VPS8: variants seen among roughly 807,000 people sequenced by gnomAD.
VPS8 encodes the protein VPS8 subunit of CORVET complex, also known as vacuolar protein sorting-associated protein 8 homolog.
VPS8 carries 129 observed loss-of-function variants against 216.4 expected under a neutral mutation model. That is an observed-to-expected ratio of 0.60 (90% confidence interval 0.52 to 0.69). The LOEUF (loss-of-function observed/expected upper bound fraction) is 0.69, where lower values mean the gene tolerates loss of function less well. VPS8 is among the 30% of genes least tolerant of loss of function. The probability of loss-of-function intolerance (pLI) is 0.00; values close to 1 mark genes in which losing one functional copy is unlikely to be tolerated. For missense variants in VPS8, 1,531 were observed against 1,683.5 expected (o/e 0.91, Z 1.59); for synonymous variants, 571 against 565.4 (o/e 1.01, Z -0.14).
At position 184,987,589 on chromosome 3, in the gene VPS8, T is replaced by G. The variant is rs189176695; in HGVS notation, c.3585+4495T>G. Among the ~76,000 whole-genome samples, 4 of 152,330 alleles carry G rather than the reference T, an allele frequency of 2.6e-5. No individual in the cohort carries two copies. The East Asian group carries it at 7.7e-4, about 29-fold the overall frequency. The stretch of plus-strand genomic sequence containing the variant: ...TTCATTTCTTTTTATCTCTGTATAT[T>G]CCATTGTATGGATGTTCCACAGTTT... On this transcript the variant is annotated intron_variant, in intron 42 of 47. Transcript: ENST00000625842.
intron 40 of VPS8, among the ~76,000 whole-genome samples, chr3:184,979,822 G>T (rs1020417418): frequency 2.0e-5 from 3 of 152,166 alleles, no homozygotes; most frequent in African/African-American, 7.2e-5. Flanking sequence ...ATTGTTATGT[G>T]CAGATTTGAT....
chr3:184,925,166 G>T (rs1051672531), intron 30 of VPS8, among the ~76,000 whole-genome samples, 185 bp downstream of exon 30: 1 of 152,182 alleles, frequency 6.6e-6, no homozygotes, highest in Non-Finnish European at 1.5e-5. Context: ...GTTTTGTGGA[G>T]ATTGGTTTAC....
At chr3:184,848,865 G>A (rs1039895631) in intron 8 of VPS8, among the ~76,000 whole-genome samples, 7 of 151,972 alleles carry the variant, frequency 4.6e-5, no homozygotes, top group African/African-American at 1.2e-4. Context: ...CACCGCACCC[G>A]GCCTTTTTTT....
At chr3:184,865,714 G>A (rs1028264275) in intron 16 of VPS8, among the ~76,000 whole-genome samples, 3 of 152,228 alleles carry the variant, frequency 2.0e-5, no homozygotes, top group Non-Finnish European at 2.9e-5. Flanking sequence ...GAGGCCAGGC[G>A]TGGTGGCTCT....
At chr3:184,895,037 T>C in intron 23 of VPS8, 112 bp downstream of exon 23, 1 of 854,042 alleles carries the variant, frequency 1.2e-6, no homozygotes, top group South Asian at 1.9e-5. Context: ...TAATTATTTA[T>C]TGAGCACTTT....
At chr3:184,836,246 G>A (rs1721064474) in intron 5 of VPS8, 3 of 456,434 alleles carry the variant, frequency 6.6e-6, no homozygotes, top group South Asian at 3.1e-5. Flanking sequence ...TCCTCTTTTA[G>A]GTGGAGAGTA....
chr3:184,989,364 T>G (rs1751561410), intron 42 of VPS8, among the ~76,000 whole-genome samples: 1 of 152,236 alleles, frequency 6.6e-6, no homozygotes, highest in Non-Finnish European at 1.5e-5. Context: ...TCTGCTAATA[T>G]GATCATATGA....
At chr3:184,912,453 G>A (rs1352925883) in intron 25 of VPS8, among the ~76,000 whole-genome samples, 1 of 152,096 alleles carries the variant, frequency 6.6e-6, no homozygotes, top group African/African-American at 2.4e-5. Flanking sequence ...AGGAACCAAA[G>A]GTAGCCAGGA....
intron 25 of VPS8, among the ~76,000 whole-genome samples, chr3:184,905,702 A>G (rs1354445501): frequency 6.6e-6 from 1 of 151,784 alleles, no homozygotes. Context: ...AAAAAGTAAT[A>G]AAATCTGTGA....
At chr3:184,835,503 A>G (rs1720864046) in intron 5 of VPS8, among the ~76,000 whole-genome samples, 1 of 152,164 alleles carries the variant, frequency 6.6e-6, no homozygotes, top group Non-Finnish European at 1.5e-5. Flanking sequence ...GTTTGACACT[A>G]TCAGACTTTT....
chr3:184,994,008 T>G lies in VPS8; in HGVS notation c.3611T>G (p.Leu1204Arg), dbSNP rs1174111317. Residue 1204 changes from leucine to arginine, a missense_variant, in exon 43 of 48, where the codon CTT (leucine) becomes CGT (arginine). By Grantham distance (102) the Leu-to-Arg change is moderately radical. Around this residue, in one of 3 missense-constraint regions of VPS8, gnomAD observed 1,318 missense variants for 1,468.4 expected, o/e 0.90. Transcript: ENST00000625842. ...LQDPVYGKGK[L>R]GEIQGLILGM... is the part of the protein sequence containing the mutation. ...GATCCAGTTTATGGAAAAGGAAAAC[T>G]TGGAGAAATCCAGGGACTTATCTTG... 6.4e-7 allele frequency: 1 copy of G among 1,567,790 alleles called. No homozygotes were observed. The highest frequency in any genetic ancestry group is 8.6e-7 in the Non-Finnish European group (1 of 1,157,214).
intron 36 of VPS8, among the ~76,000 whole-genome samples, chr3:184,943,963 G>A (rs543501916): frequency 1.5e-4 from 23 of 152,240 alleles, no homozygotes; most frequent in South Asian, 4.1e-4. Context: ...TTAGCCGGGC[G>A]TGGTCACGCA....
intron 25 of VPS8, chr3:184,901,204 T>A (rs1734422781): frequency 2.2e-6 from 1 of 458,752 alleles, no homozygotes; most frequent in East Asian, 3.7e-5. Flanking sequence ...GGGCAGTCAC[T>A]GATCTACTTT....
At chr3:184,882,937 T>C (rs559131816) in intron 21 of VPS8, among the ~76,000 whole-genome samples, 2 of 152,304 alleles carry the variant, frequency 1.3e-5, no homozygotes, top group South Asian at 4.1e-4. Context: ...TCTCTTATTC[T>C]TTGTCAGTCT....
At chr3:184,972,185 T>C (rs1748539836) in intron 40 of VPS8, among the ~76,000 whole-genome samples, 1 of 152,190 alleles carries the variant, frequency 6.6e-6, no homozygotes, top group African/African-American at 2.4e-5. Context: ...CACTTCTTAG[T>C]GTTCCCAGGA....
In VPS8 at chr3:184,982,586, G is replaced by A. The variant is rs373192503; in HGVS notation, c.3441G>A (p.Leu1147=). ...TATAGGCACTTTGGTTTCCGTTATT[G>A]GAGGCAATGATGGCCCCTCAGAAGC... ...QQREALWFPL[L]EAMMAPQKLS... The change falls in exon 41 of 48, where the codon TTG becomes TTA. Residue 1147 remains leucine (L), a synonymous_variant. Coordinates refer to ENST00000625842, the MANE Select transcript of VPS8 (RefSeq NM_001009921.3). The A allele has an allele frequency of 2.1e-4, 344 of 1,612,834 alleles. No homozygotes were observed. Among genetic ancestry groups the A allele is most frequent in the Non-Finnish European group, 2.9e-4 (339 of 1,179,586 alleles).
intron 36 of VPS8, among the ~76,000 whole-genome samples, chr3:184,955,188 C>T (rs924536725): frequency 2.6e-5 from 4 of 152,274 alleles, no homozygotes; most frequent in East Asian, 1.9e-4. Flanking sequence ...TAGGCCTGCC[C>T]GCAGTCATCT....
At chr3:185,017,762 G>A (rs542483874) in intron 45 of VPS8, among the ~76,000 whole-genome samples, 2 of 152,306 alleles carry the variant, frequency 1.3e-5, no homozygotes, top group Non-Finnish European at 2.9e-5. Context: ...GGCTGTGGCG[G>A]GGGACAGACA....
chr3:184,996,540 T>TA, intron 44 of VPS8, 39 bp downstream of exon 44: 3 of 1,550,918 alleles, frequency 1.9e-6, no homozygotes, highest in Non-Finnish European at 2.6e-6. Context: ...ATGGTACATG[T>TA]ACATCTGTGG....
Sources: allele counts gnomAD v4.1 joint callset (sites outside exome capture counted in the v4.1 genomes callset), GRCh38; gene constraint gnomAD v4.1.1; regional missense constraint gnomAD v4.1.1; transcripts MANE v1.5; gene names NCBI Gene and HGNC (gene_info 2026-07-23, HGNC 2026-07-21).